The following WDR33 variants were observed in gnomAD, a reference collection of about 807,000 sequenced individuals.
The protein encoded by WDR33 is WD repeat domain 33.
Under a neutral mutation model 164.9 loss-of-function variants are expected in WDR33, and 47 were observed. That is an observed-to-expected ratio of 0.29 (90% confidence interval 0.23 to 0.36). WDR33 has a LOEUF of 0.36. Ranked by LOEUF, WDR33 falls within the 10% of genes least tolerant of loss-of-function variation. The pLI is 1.00. For synonymous variants in WDR33, 505 were observed against 589.0 expected (o/e 0.86, Z 2.06); for missense variants, 1,137 against 1,754.1 (o/e 0.65, Z 6.28).
intron 1 of WDR33, among the ~76,000 whole-genome samples, chr2:127,804,213 C>T (rs959055897): frequency 2.0e-5 from 3 of 151,850 alleles, no homozygotes; most frequent in African/African-American, 7.3e-5. Context: ...CCCAGCTACT[C>T]GGGAGGTTGA....
In WDR33 at chr2:127,722,749, G is replaced by A; in HGVS notation, c.1379-19C>T. The stretch of plus-strand genomic sequence containing the variant: ...TCTTTCCCTGTAACCGTAAAGAAAA[G>A]TGGTTTGCCTCTTAAATAAAAGAAA... On this transcript the variant is annotated intron_variant, in intron 13 of 21. Coordinates refer to ENST00000322313, the MANE Select transcript of WDR33 (RefSeq NM_018383.5). This position sits in a 1 kb window ranked among gnomAD's most constrained non-coding sequence, Gnocchi z 5.1. 6.2e-7 allele frequency: 1 copy of A among 1,609,968 alleles called. No individual in the cohort carries two copies.
Position 127,711,770 on chromosome 2 carries a change from A to ATTTTTTTTTTTTT in WDR33, c.3308+1812_3308+1813insAAAAAAAAAAAAA, listed in dbSNP as rs1220888579. Among the ~76,000 whole-genome samples the ATTTTTTTTTTTTT allele has an allele frequency of 7.7e-3, 602 of 77,744 alleles. 21 individuals carry two copies. Among genetic ancestry groups the ATTTTTTTTTTTTT allele is most frequent in the Non-Finnish European group, 0.011 (470 of 44,278 alleles). The allele number at this position is 77,744 out of a possible 152,430, so 51.0% of individuals were successfully genotyped here. A position where few individuals can be genotyped will look rare whatever the true frequency, so the allele number is the denominator to read the frequency against. On this transcript the variant is annotated intron_variant, in intron 18 of 21. Transcript: ENST00000322313. ...TATACAGATATATATATATATATAT[A>ATTTTTTTTTTTTT]TATATATATATTTTTTTTTTGAGAC...
intron 1 of WDR33, among the ~76,000 whole-genome samples, chr2:127,805,767 T>A (rs886299250): frequency 6.6e-6 from 1 of 151,900 alleles, no homozygotes; most frequent in Non-Finnish European, 1.5e-5. Flanking sequence ...CGGCCACAGG[T>A]GGAATTTAAA....
chr2:127,804,832 G>A (rs1168568041), intron 1 of WDR33, among the ~76,000 whole-genome samples: 2 of 152,128 alleles, frequency 1.3e-5, no homozygotes, highest in African/African-American at 4.8e-5. Context: ...AAAATATTTT[G>A]AGAAGTGAGG....
rs1041371981 is a variant in WDR33, at chr2:127,713,418, A to T, written c.3308+165T>A. Among the ~76,000 whole-genome samples, 5 of 152,256 alleles carry T rather than the reference A, an allele frequency of 3.3e-5. No homozygotes were observed. Among genetic ancestry groups the T allele is most frequent in the African/African-American group, 1.2e-4 (5 of 41,466 alleles). On this transcript the variant is annotated intron_variant, in intron 18 of 21. Transcript: ENST00000322313. The surrounding 1 kb of genome is among the most constrained non-coding windows in gnomAD (Gnocchi z 6.2). ...AAGATTAAAACAAGACTAAGGTTAAAAAGCACACTTTTTTTAAACGTCCAA... is the reference window on the plus strand; with the variant it reads ...AAGATTAAAACAAGACTAAGGTTAATAAGCACACTTTTTTTAAACGTCCAA...
chr2:127,765,458 A>G (rs1412516588), intron 4 of WDR33, among the ~76,000 whole-genome samples, 189 bp from the exon 5 acceptor site: 1 of 152,226 alleles, frequency 6.6e-6, no homozygotes, highest in Non-Finnish European at 1.5e-5. Flanking sequence ...GGAAAGCTCT[A>G]GTCCTTTGGT....
At chr2:127,751,513 T>C (rs1687362623) in intron 7 of WDR33, among the ~76,000 whole-genome samples, 1 of 149,364 alleles carries the variant, frequency 6.7e-6, no homozygotes, top group Non-Finnish European at 1.5e-5. Flanking sequence ...ATCATGCCAG[T>C]GTACTCCAAC....
Position 127,717,105 on chromosome 2 carries a change from G to T in WDR33, c.2869+50C>A. On this transcript the variant is annotated intron_variant, in intron 17 of 21. Coordinates refer to ENST00000322313, the MANE Select transcript of WDR33 (RefSeq NM_018383.5). This position sits in a 1 kb window ranked among gnomAD's most constrained non-coding sequence, Gnocchi z 5.6. ...AACAAAATTATTCACTGTAAAATGTGCACAAAGGTGGTAGAATATAATCTT... is the reference window on the plus strand; with the variant it reads ...AACAAAATTATTCACTGTAAAATGTTCACAAAGGTGGTAGAATATAATCTT... 6.5e-7 allele frequency: 1 copy of T among 1,527,376 alleles called. No individual in the cohort carries two copies. The highest frequency in any genetic ancestry group is 8.9e-7 in the Non-Finnish European group (1 of 1,123,104). 94.6% of individuals were successfully genotyped at this position (1,527,376 alleles called of 1,614,324 possible).
chr2:127,798,151 T>C (rs1002491141), intron 1 of WDR33, among the ~76,000 whole-genome samples: 2 of 151,696 alleles, frequency 1.3e-5, no homozygotes, highest in Non-Finnish European at 2.9e-5. Context: ...GTGGATCACC[T>C]GAGATCAGGA....
chr2:127,708,107 CAG>C lies in WDR33; in HGVS notation c.3781+568_3781+569del, dbSNP rs1205894531. On this transcript the variant is annotated intron_variant, in intron 21 of 21. Transcript: ENST00000322313. The surrounding 1 kb of genome is among the most constrained non-coding windows in gnomAD (Gnocchi z 6.7). ...TGCACCTCCCCCGCTGCCTTGCAAC[CAG>C]AGTTGTATAGTCAGCCTTCAGAGGC... is the stretch of plus-strand genomic sequence containing the variant. Among the ~76,000 whole-genome samples the C allele has an allele frequency of 5.3e-5, 8 of 152,168 alleles. No individual in the cohort carries two copies. Among genetic ancestry groups the C allele is most frequent in the Non-Finnish European group, 1.0e-4 (7 of 68,026 alleles).
intron 1 of WDR33, among the ~76,000 whole-genome samples, chr2:127,798,260 A>AG (rs1689110471): frequency 1.4e-5 from 2 of 143,356 alleles, no homozygotes; most frequent in South Asian, 4.6e-4. Context: ...CCCAGCTACC[A>AG]GGGGGGCTGA....
intron 7 of WDR33, chr2:127,762,815 A>C: frequency 7.7e-7 from 1 of 1,297,560 alleles, no homozygotes. Context: ...ACAGATAAGC[A>C]AGTAAGGGGG....
At chr2:127,810,860 A>C (rs335137) in intron 1 of WDR33, 152 bp downstream of exon 1, 98,221 of 152,650 alleles carry the variant, frequency 0.64, 34,008 homozygotes, top group African/African-American at 0.9. Flanking sequence ...CCTGCCTCGA[A>C]CAGCCGCCCC....
chr2:127,721,453 TA>T lies in WDR33; in HGVS notation c.1671+382del, dbSNP rs1253659182. Among the ~76,000 whole-genome samples, 6 of 151,246 alleles carry T rather than the reference TA, an allele frequency of 4.0e-5. No homozygotes were observed. The South Asian group carries it at 8.4e-4, about 21-fold the overall frequency. ...CAAGATATGACTCAAGGAAGTCACTTAAAAAAAAATTAGTCAGACGTGATGG... is the reference window on the plus strand; with the variant it reads ...CAAGATATGACTCAAGGAAGTCACTTAAAAAAAATTAGTCAGACGTGATGG... On this transcript the variant is annotated intron_variant, in intron 15 of 21. Coordinates refer to ENST00000322313, the MANE Select transcript of WDR33 (RefSeq NM_018383.5). This position sits in a 1 kb window ranked among gnomAD's most constrained non-coding sequence, Gnocchi z 4.9.
intron 18 of WDR33, among the ~76,000 whole-genome samples, chr2:127,711,007 C>A (rs924410518): frequency 6.6e-6 from 1 of 152,220 alleles, no homozygotes; most frequent in Non-Finnish European, 1.5e-5. Flanking sequence ...AGCTTTACCC[C>A]TAAATCCTTC....
chr2:127,801,179 G>C (rs1689226986), intron 1 of WDR33, among the ~76,000 whole-genome samples: 1 of 152,104 alleles, frequency 6.6e-6, no homozygotes, highest in Non-Finnish European at 1.5e-5. Context: ...AGCCGCTCGG[G>C]AGGCTAAGGC....
intron 1 of WDR33, among the ~76,000 whole-genome samples, chr2:127,794,324 A>G (rs1688948789): frequency 6.6e-6 from 1 of 150,604 alleles, no homozygotes; most frequent in East Asian, 2.0e-4. Flanking sequence ...ACATGGTAAA[A>G]CCCCATCTCT....
intron 7 of WDR33, chr2:127,736,549 C>T (rs1452679881): frequency 1.0e-6 from 1 of 985,294 alleles, no homozygotes; most frequent in East Asian, 1.1e-4. Context: ...CTAAGTCACA[C>T]ATTTACTTTG....
In WDR33 at chr2:127,708,630, A is replaced by T; in HGVS notation, c.3781+47T>A. ...TGCAGCAGATACAGGCAAGGCCTCCATCGGCCCCTGCATCTCCTGGAACCA... is the reference window on the plus strand; with the variant it reads ...TGCAGCAGATACAGGCAAGGCCTCCTTCGGCCCCTGCATCTCCTGGAACCA... On this transcript the variant is annotated intron_variant, in intron 21 of 21. Transcript: ENST00000322313. The surrounding 1 kb of genome is among the most constrained non-coding windows in gnomAD (Gnocchi z 6.7). The T allele has an allele frequency of 6.6e-7, 1 of 1,521,118 alleles. No individual in the cohort carries two copies. The highest frequency in any genetic ancestry group is 8.9e-7 in the Non-Finnish European group (1 of 1,129,732). 94.2% of individuals were successfully genotyped at this position (1,521,118 alleles called of 1,614,324 possible). A position where few individuals can be genotyped will look rare whatever the true frequency, so the allele number is the denominator to read the frequency against.
Sources: allele counts gnomAD v4.1 joint callset (sites outside exome capture counted in the v4.1 genomes callset), GRCh38; gene constraint gnomAD v4.1.1; non-coding constraint Gnocchi (gnomAD v3.1); transcripts MANE v1.5; gene names NCBI Gene and HGNC (gene_info 2026-07-23, HGNC 2026-07-21).